Variants in TENM2 observed in about 807,000 individuals in gnomAD.
TENM2 encodes teneurin-2.
TENM2 carries 52 observed loss-of-function variants against 245.2 expected under a neutral mutation model. The observed-to-expected ratio is 0.21, with a 90% confidence interval of 0.17 to 0.27. The LOEUF (loss-of-function observed/expected upper bound fraction) is 0.27. Among genes scored for constraint, TENM2 ranks in the 10% least tolerant of loss-of-function variants. The pLI, the probability that TENM2 is intolerant of heterozygous loss-of-function variation, is 1.00. For missense variants in TENM2, 3,046 were observed against 3,666.8 expected (o/e 0.83, Z 4.37); for synonymous variants, 1,363 against 1,438.9 (o/e 0.95, Z 1.19).
At chr5:167,526,507 C>T (rs1021322531) in intron 2 of TENM2, among the ~76,000 whole-genome samples, 10 of 151,806 alleles carry the variant, frequency 6.6e-5, no homozygotes, top group African/African-American at 1.7e-4. Context: ...CTTGTATAAT[C>T]GGGAAACAAT....
Position 167,446,492 on chromosome 5 carries a change from G to C in TENM2, c.502+71019G>C, listed in dbSNP as rs956956907. On this transcript the variant is annotated intron_variant, in intron 2 of 28. Coordinates refer to ENST00000518659, the Ensembl canonical transcript of TENM2. Reference sequence around the variant, plus strand: ...ACACATTTCTTGGGCCAGTTACACTGTTAATTTCTTATACCATTCTAATAT... The same window carrying C: ...ACACATTTCTTGGGCCAGTTACACTCTTAATTTCTTATACCATTCTAATAT... Among the ~76,000 whole-genome samples the C allele has an allele frequency of 9.9e-5, 15 of 152,250 alleles. No individual in the cohort carries two copies. The East Asian group carries it at 2.9e-3, about 29-fold the overall frequency.
At chr5:167,842,460 A>G (rs979622048) in intron 2 of TENM2, among the ~76,000 whole-genome samples, 2 of 151,530 alleles carry the variant, frequency 1.3e-5, no homozygotes, top group African/African-American at 4.8e-5. Flanking sequence ...ATGGTGGCAC[A>G]TGCTTGTGAT....
At chr5:168,078,643 C>T (rs896198004) in intron 7 of TENM2, among the ~76,000 whole-genome samples, 11 of 152,276 alleles carry the variant, frequency 7.2e-5, no homozygotes, top group African/African-American at 2.6e-4. Context: ...CAGCTTTCTA[C>T]TTATGGCTAG....
rs114491884 is a variant in TENM2, at chr5:167,674,509, T to A, written c.503-201477T>A. On this transcript the variant is annotated intron_variant, in intron 2 of 28. Transcript: ENST00000518659. ...AAAACTGACAGTCAAAAGCATTTAT[T>A]TGAAAGGCAGAATTGCAGTAAAGGA... 2.9e-3 allele frequency among the ~76,000 whole-genome samples: 438 copies of A among 152,256 alleles called. 5 individuals carry two copies. Among genetic ancestry groups the A allele is most frequent in the African/African-American group, 0.01 (421 of 41,558 alleles).
intron 4 of TENM2, among the ~76,000 whole-genome samples, chr5:167,981,673 G>A (rs575089890): frequency 8.5e-5 from 13 of 152,126 alleles, no homozygotes; most frequent in Non-Finnish European, 1.3e-4. Context: ...AGAACCCTTC[G>A]TACTTGGTCT....
chr5:167,543,022 C>A (rs1273827315), intron 2 of TENM2, among the ~76,000 whole-genome samples: 2 of 152,136 alleles, frequency 1.3e-5, no homozygotes, highest in Non-Finnish European at 2.9e-5. Context: ...TCAGTATCAC[C>A]TAGGAAATTG....
At chr5:167,116,742 C>A in the TENM2 span, 1 of 151,922 alleles carries the variant, frequency 6.6e-6, no homozygotes, top group South Asian at 2.1e-4. Context: ...CGCAAAACTA[C>A]TGTCTTCAGA....
At chr5:168,264,040 G>A (rs913020793), downstream of TENM2, 2 of 152,414 alleles carry the variant, frequency 1.3e-5, no homozygotes, top group Non-Finnish European at 2.9e-5. Flanking sequence ...ATTGTTCATC[G>A]AGTTTTTATA....
chr5:168,066,143 A>G (rs1177816859), intron 7 of TENM2, among the ~76,000 whole-genome samples: 1 of 152,208 alleles, frequency 6.6e-6, no homozygotes, highest in African/African-American at 2.4e-5. Context: ...GGTTAACAAG[A>G]ACTTTGCTCA....
At chr5:167,097,593 G>A in the TENM2 span, among the ~76,000 whole-genome samples, 2 of 152,146 alleles carry the variant, frequency 1.3e-5, no homozygotes, top group Non-Finnish European at 2.9e-5. Context: ...AAAATCGGAT[G>A]TTTGTATTTC....
At chr5:167,492,823 G>A (rs1768519924) in intron 2 of TENM2, among the ~76,000 whole-genome samples, 1 of 152,002 alleles carries the variant, frequency 6.6e-6, no homozygotes, top group South Asian at 2.1e-4. Context: ...TGAATGGAAT[G>A]TTCAGGAAGG....
At chr5:167,540,181 C>G (rs1035011340) in intron 2 of TENM2, among the ~76,000 whole-genome samples, 1 of 152,102 alleles carries the variant, frequency 6.6e-6, no homozygotes, top group Non-Finnish European at 1.5e-5. Context: ...CTGTGGAGAG[C>G]CACATATTCA....
At chr5:167,347,930 A>G (rs2127831913) in intron 1 of TENM2, among the ~76,000 whole-genome samples, 1 of 152,274 alleles carries the variant, frequency 6.6e-6, no homozygotes, top group South Asian at 2.1e-4. Context: ...ACAGAGCATT[A>G]CCCAAAAGAA....
At chr5:167,386,541 T>C (rs148134285) in intron 2 of TENM2, among the ~76,000 whole-genome samples, 443 of 152,324 alleles carry the variant, frequency 2.9e-3, no homozygotes, top group Non-Finnish European at 4.5e-3. Flanking sequence ...TTACCTATCT[T>C]TGTTTTTATT....
intron 2 of TENM2, among the ~76,000 whole-genome samples, chr5:167,556,659 G>T (rs1029414338): frequency 1.3e-5 from 2 of 152,078 alleles, no homozygotes; most frequent in Non-Finnish European, 2.9e-5. Flanking sequence ...ACCATAGTAG[G>T]TCAGTGGACT....
chr5:167,044,994 T>A, the TENM2 span, among the ~76,000 whole-genome samples: 1 of 151,588 alleles, frequency 6.6e-6, no homozygotes, highest in Non-Finnish European at 1.5e-5. Context: ...TTGAGCACTT[T>A]CAGAAGCTGA....
chr5:167,775,566 G>A (rs1331536835), intron 2 of TENM2, among the ~76,000 whole-genome samples: 1 of 151,996 alleles, frequency 6.6e-6, no homozygotes, highest in Admixed American at 6.6e-5. Context: ...GAAGTGTTTA[G>A]GAAAAAAATC....
chr5:167,578,592 C>T (rs773709488), intron 2 of TENM2, among the ~76,000 whole-genome samples: 3 of 152,184 alleles, frequency 2.0e-5, no homozygotes, highest in Non-Finnish European at 4.4e-5. Context: ...CATGCTATTT[C>T]AGTATAATCA....
At chr5:167,413,994 G>T (rs1561935500) in intron 2 of TENM2, among the ~76,000 whole-genome samples, 1 of 152,146 alleles carries the variant, frequency 6.6e-6, no homozygotes, top group Non-Finnish European at 1.5e-5. Context: ...ATATTACAGT[G>T]CTCACAGAGA....
Sources: allele counts gnomAD v4.1 joint callset (sites outside exome capture counted in the v4.1 genomes callset), GRCh38; gene constraint gnomAD v4.1.1; transcripts MANE v1.5; gene names NCBI Gene and HGNC (gene_info 2026-07-23, HGNC 2026-07-21).